Variants in KIF27 observed in about 807,000 individuals in gnomAD.
KIF27 encodes kinesin family member 27, also known as kinesin-like protein KIF27.
KIF27 carries 84 observed loss-of-function variants against 141.8 expected under a neutral mutation model. The observed-to-expected ratio is 0.59, with a 90% CI of 0.50 to 0.71. The LOEUF (loss-of-function observed/expected upper bound fraction) is 0.71. Ranked by LOEUF, KIF27 falls within the 30% of genes least tolerant of loss-of-function variation. The pLI is 0.00. For synonymous variants in KIF27, 471 were observed against 569.5 expected (o/e 0.83, Z 2.46); for missense variants, 1,306 against 1,628.4 (o/e 0.80, Z 3.41).
chr9:83,846,997 C>T (rs1239737672), intron 16 of KIF27, among the ~76,000 whole-genome samples: 1 of 152,116 alleles, frequency 6.6e-6, no homozygotes, highest in Non-Finnish European at 1.5e-5. Context: ...TACAGGAGAT[C>T]CATTAGGGCG....
intron 15 of KIF27, among the ~76,000 whole-genome samples, chr9:83,852,977 C>A (rs1948782887): frequency 1.3e-5 from 2 of 152,132 alleles, no homozygotes; most frequent in East Asian, 1.9e-4. Context: ...ATTGAATGTA[C>A]TTTTCAGAGA....
At chr9:83,884,911 G>A (rs2780167) in intron 9 of KIF27, among the ~76,000 whole-genome samples, 4 of 151,964 alleles carry the variant, frequency 2.6e-5, no homozygotes, top group Non-Finnish European at 5.9e-5. Flanking sequence ...ATATATAGAA[G>A]AGAAAAAATA....
intron 5 of KIF27, 112 bp from the exon 6 acceptor site, chr9:83,891,613 T>C (rs1460188224): frequency 1.0e-6 from 1 of 982,260 alleles, no homozygotes; most frequent in African/African-American, 1.6e-5. Flanking sequence ...AATAATACAG[T>C]CAATTCTCAT....
chr9:83,919,604 A>G (rs1011160862), intron 1 of KIF27, among the ~76,000 whole-genome samples: 1 of 152,028 alleles, frequency 6.6e-6, no homozygotes, highest in African/African-American at 2.4e-5. Flanking sequence ...TTGAAAAAAA[A>G]AAAACCATGG....
At chr9:83,893,605 A>C (rs1952888649) in intron 5 of KIF27, among the ~76,000 whole-genome samples, 1 of 151,952 alleles carries the variant, frequency 6.6e-6, no homozygotes, top group African/African-American at 2.4e-5. Flanking sequence ...AGTGCAAGTC[A>C]AGATAAGCTT....
chr9:83,891,517 A>G lies in KIF27; in HGVS notation c.1603-16T>C, dbSNP rs772005837. ...TTTTTTCATTCTTTGTAGAAGAGAG[A>G]TGAAAATTTTTAATATAGAGCACTT... On this transcript the variant is annotated splice_polypyrimidine_tract_variant and intron_variant, in intron 5 of 17. Coordinates refer to ENST00000297814, the MANE Select transcript of KIF27 (RefSeq NM_017576.4). 1 of 1,592,252 alleles carries G rather than the reference A, an allele frequency of 6.3e-7. No homozygotes were observed. Among genetic ancestry groups the G allele is most frequent in the Non-Finnish European group, 8.6e-7 (1 of 1,167,350 alleles).
At chr9:83,891,266 A>G (rs1563963635) in intron 6 of KIF27, 29 bp downstream of exon 6, 1 of 1,593,834 alleles carries the variant, frequency 6.3e-7, no homozygotes, top group East Asian at 2.2e-5. Flanking sequence ...TTTAATCTCC[A>G]AATAAGGAAA....
At chr9:83,842,660 G>A (rs1187835249) in intron 16 of KIF27, among the ~76,000 whole-genome samples, 1 of 152,132 alleles carries the variant, frequency 6.6e-6, no homozygotes, top group East Asian at 1.9e-4. Flanking sequence ...TAGAGATGGG[G>A]TTTCATCATG....
chr9:83,861,789 C>G (rs530968457), intron 13 of KIF27, among the ~76,000 whole-genome samples: 3,611 of 151,140 alleles, frequency 0.024, 144 homozygotes, highest in African/African-American at 0.084. Flanking sequence ...GTTTACAGTC[C>G]CACCAACAGT....
intron 16 of KIF27, 45 bp from the exon 17 acceptor site, chr9:83,842,446 A>G (rs764671105): frequency 3.4e-6 from 5 of 1,466,778 alleles, no homozygotes; most frequent in Non-Finnish European, 4.5e-6. Flanking sequence ...TAAATAAATG[A>G]TGCAAAATTA....
At chr9:83,883,009 C>T (rs539483986) in intron 10 of KIF27, among the ~76,000 whole-genome samples, 7 of 152,018 alleles carry the variant, frequency 4.6e-5, no homozygotes, top group Admixed American at 2.0e-4. Context: ...TACAATATAC[C>T]GGGCACACCA....
intron 11 of KIF27, among the ~76,000 whole-genome samples, chr9:83,878,082 T>G (rs1951347301): frequency 2.1e-5 from 3 of 141,278 alleles, no homozygotes; most frequent in Non-Finnish European, 4.5e-5. Context: ...GAGAATGGCG[T>G]GAACTCAGGA....
intron 13 of KIF27, chr9:83,859,587 A>G (rs1449225218): frequency 3.9e-6 from 2 of 508,392 alleles, no homozygotes; most frequent in Non-Finnish European, 7.0e-6. Flanking sequence ...GCTAGAGTGC[A>G]ATGGTGCAAC....
intron 11 of KIF27, among the ~76,000 whole-genome samples, chr9:83,873,137 A>T (rs1310730552): frequency 6.6e-6 from 1 of 152,192 alleles, no homozygotes; most frequent in Non-Finnish European, 1.5e-5. Flanking sequence ...AGATGAAGGG[A>T]AAGCACCCCC....
chr9:83,888,672 A>AG (rs1952356329), intron 7 of KIF27, 80 bp from the exon 8 acceptor site: 1 of 778,186 alleles, frequency 1.3e-6, no homozygotes, highest in Non-Finnish European at 2.0e-6. Context: ...GAAAAGTGAA[A>AG]GTAATGTTAA....
At chr9:83,847,022 C>T (rs1279836694) in intron 16 of KIF27, among the ~76,000 whole-genome samples, 1 of 152,100 alleles carries the variant, frequency 6.6e-6, no homozygotes, top group African/African-American at 2.4e-5. Flanking sequence ...TTAGTATTAC[C>T]ATGCTCTGTG....
At position 83,884,960 on chromosome 9, in the gene KIF27, G is replaced by C. The variant is rs540152943; in HGVS notation, c.2240-942C>G. On this transcript the variant is annotated intron_variant, in intron 9 of 17. Transcript: ENST00000297814. ...TCTATATCTCTTGATTCTAAATCCA[G>C]CTAGTGACCCTAAAAGCTTGGTTTT... Among the ~76,000 whole-genome samples, 49 of 152,188 alleles carry C rather than the reference G, an allele frequency of 3.2e-4. 1 individual carries two copies. In the South Asian group the frequency reaches 8.9e-3, roughly 28 times the overall value.
intron 1 of KIF27, among the ~76,000 whole-genome samples, chr9:83,920,947 T>TA (rs1956211872): frequency 6.6e-6 from 1 of 151,340 alleles, no homozygotes; most frequent in Non-Finnish European, 1.5e-5. Flanking sequence ...ACGCCTGCGA[T>TA]AAAACAAAGC....
At position 83,856,589 on chromosome 9, in the gene KIF27, A is replaced by C. The variant is rs551066304; in HGVS notation, c.3150+2567T>G. 3.6e-4 allele frequency among the ~76,000 whole-genome samples: 55 copies of C among 151,904 alleles called. 1 individual carries two copies. Among genetic ancestry groups the C allele is most frequent in the Admixed American group, 1.9e-3 (29 of 15,244 alleles). ...AACCCCATCTCTACTAAAATACAAAAAACTAGCCAAGCATGATGGCACTTG... is the reference window on the plus strand; with the variant it reads ...AACCCCATCTCTACTAAAATACAAACAACTAGCCAAGCATGATGGCACTTG... On this transcript the variant is annotated intron_variant, in intron 14 of 17. Transcript: ENST00000297814.
Sources: gnomAD v4.1 joint callset for allele counts (sites outside exome capture counted in the v4.1 genomes callset) on GRCh38, gnomAD v4.1.1 for gene constraint, MANE v1.5 for transcripts, NCBI Gene and HGNC (gene_info 2026-07-23, HGNC 2026-07-21) for gene names.